The following PCNX2 variants were observed in gnomAD, a reference collection of about 807,000 sequenced individuals.
PCNX2 encodes pecanex 2.
A neutral mutation model predicts 223.8 loss-of-function variants in PCNX2; 168 were observed. That is an observed-to-expected ratio of 0.75 (90% CI 0.66 to 0.85). The LOEUF is 0.85. Among genes scored for constraint, PCNX2 ranks in the 40% least tolerant of loss-of-function variants. The pLI is 0.00. For synonymous variants in PCNX2, 1,006 were observed against 1,052.6 expected (o/e 0.96, Z 0.86); for missense variants, 2,507 against 2,675.5 (o/e 0.94, Z 1.39).
At chr1:233,117,439 G>A (rs1371044216) in intron 21 of PCNX2, among the ~76,000 whole-genome samples, 4 of 150,836 alleles carry the variant, frequency 2.7e-5, no homozygotes, top group Non-Finnish European at 5.9e-5. Context: ...AGACCATCCT[G>A]GCTAACACAG....
intron 21 of PCNX2, among the ~76,000 whole-genome samples, chr1:233,133,690 T>C (rs1462195202): frequency 1.3e-5 from 2 of 152,042 alleles, no homozygotes; most frequent in Admixed American, 6.6e-5. Context: ...ACCCTATCTT[T>C]ACAAAAAGTT....
intron 21 of PCNX2, among the ~76,000 whole-genome samples, chr1:233,123,406 C>T (rs954018623): frequency 1.3e-5 from 2 of 151,952 alleles, no homozygotes; most frequent in South Asian, 2.1e-4. Flanking sequence ...ATGGTGAAAC[C>T]CCATCTCTAC....
At chr1:233,140,517 T>G (rs1185744904) in intron 19 of PCNX2, among the ~76,000 whole-genome samples, 1 of 152,216 alleles carries the variant, frequency 6.6e-6, no homozygotes, top group African/African-American at 2.4e-5. Context: ...AATTATTAGC[T>G]TCATCTTTTC....
chr1:233,148,367 T>G (rs1207595955), intron 19 of PCNX2, among the ~76,000 whole-genome samples: 1 of 152,046 alleles, frequency 6.6e-6, no homozygotes, highest in African/African-American at 2.4e-5. Flanking sequence ...AGCCCAAACT[T>G]TTGACTTCAG....
chr1:233,171,732 A>G (rs565929121), intron 17 of PCNX2, among the ~76,000 whole-genome samples: 1 of 152,282 alleles, frequency 6.6e-6, no homozygotes, highest in African/African-American at 2.4e-5. Context: ...TCTTTCATCA[A>G]TTCTGGTAAA....
At position 233,001,129 on chromosome 1, in the gene PCNX2, G is replaced by T. The variant is rs1237737372; in HGVS notation, c.5097+408C>A. ...GATCACTGCAGCCTGAAACTCCCGG[G>T]CTCAAGCTATCCTCCCACCTTAACC... On this transcript the variant is annotated intron_variant, in intron 29 of 33. Coordinates refer to ENST00000258229, the MANE Select transcript of PCNX2 (RefSeq NM_014801.4). The surrounding 1 kb of genome is among the most constrained non-coding windows in gnomAD (Gnocchi z 4.2). 6.6e-6 allele frequency among the ~76,000 whole-genome samples: 1 copy of T among 152,042 alleles called. No individual in the cohort carries two copies. Among genetic ancestry groups the T allele is most frequent in the Non-Finnish European group, 1.5e-5 (1 of 68,018 alleles).
At chr1:233,202,319 C>T (rs895621382) in intron 13 of PCNX2, 5 of 365,130 alleles carry the variant, frequency 1.4e-5, no homozygotes, top group African/African-American at 1.1e-4. Context: ...TTCTTCCTAA[C>T]TTCTTATTTT....
chr1:233,217,816 G>A, intron 12 of PCNX2, 83 bp downstream of exon 12: 1 of 1,481,456 alleles, frequency 6.8e-7, no homozygotes, highest in Non-Finnish European at 9.3e-7. Flanking sequence ...TACAGACTTG[G>A]CCCTTTGACT....
chr1:233,243,672 A>T (rs1022221938), intron 8 of PCNX2, among the ~76,000 whole-genome samples: 2 of 152,206 alleles, frequency 1.3e-5, no homozygotes, highest in African/African-American at 4.8e-5. Flanking sequence ...ATAAAAATCA[A>T]GAAACAAAAG....
rs1670058324 is a variant in PCNX2 at position 233,000,884 on chromosome 1, G to T, written c.5098-349C>A. Among the ~76,000 whole-genome samples, 1 of 152,134 alleles carries T rather than the reference G, an allele frequency of 6.6e-6. No individual in the cohort carries two copies. The highest frequency in any genetic ancestry group is 2.1e-4 in the South Asian group (1 of 4,822). On this transcript the variant is annotated intron_variant, in intron 29 of 33. Transcript: ENST00000258229. This position sits in a 1 kb window ranked among gnomAD's most constrained non-coding sequence, Gnocchi z 4.6. The stretch of plus-strand genomic sequence containing the variant: ...ACCTCCTAGCCTAGCTGCTCTTGAG[G>T]GCAAATCACCATTGGCTAAAGTCAA...
intron 8 of PCNX2, among the ~76,000 whole-genome samples, chr1:233,248,044 T>C (rs186883072): frequency 2.6e-5 from 4 of 152,206 alleles, no homozygotes; most frequent in African/African-American, 7.2e-5. Context: ...ACCTTGCCCA[T>C]TGGAGCATTC....
chr1:233,273,800 T>A (rs1660776356), intron 1 of PCNX2, among the ~76,000 whole-genome samples: 1 of 152,130 alleles, frequency 6.6e-6, no homozygotes, highest in Non-Finnish European at 1.5e-5. Flanking sequence ...ATTTTTTGTA[T>A]TTTTAGTGGA....
chr1:233,217,909 G>A lies in PCNX2; in HGVS notation c.2681C>T (p.Ser894Leu), dbSNP rs755700507. The stretch of plus-strand genomic sequence containing the variant: ...TATTTGGAAACTTACGTGTATTGGT[G>A]AGGCGGGGTCAGGCTGAACACTCTA... ...LLKSVQPDPASPIHGHNQIIT... is the reference protein window; with the variant it reads ...LLKSVQPDPALPIHGHNQIIT... The change falls in exon 12 of 34, where the codon TCA becomes TTA. Residue 894 changes from serine to leucine, a missense_variant. By Grantham distance (145) the Ser-to-Leu change is moderately radical. Coordinates refer to ENST00000258229, the MANE Select transcript of PCNX2 (RefSeq NM_014801.4). 65 of 1,613,816 alleles carry A rather than the reference G, an allele frequency of 4.0e-5. No individual in the cohort carries two copies. Among genetic ancestry groups the A allele is most frequent in the Non-Finnish European group, 5.3e-5 (63 of 1,179,892 alleles).
intron 12 of PCNX2, among the ~76,000 whole-genome samples, chr1:233,215,656 G>A (rs1682079696): frequency 1.3e-5 from 2 of 152,212 alleles, no homozygotes; most frequent in African/African-American, 4.8e-5. Context: ...CCTCCCCAGA[G>A]TCATGCAGAA....
At chr1:233,093,592 T>A (rs959137950) in intron 22 of PCNX2, among the ~76,000 whole-genome samples, 1 of 152,134 alleles carries the variant, frequency 6.6e-6, no homozygotes, top group African/African-American at 2.4e-5. Flanking sequence ...CTGAACAGCA[T>A]GATGTTGGAC....
chr1:233,249,469 T>C (rs1293980951), intron 8 of PCNX2, among the ~76,000 whole-genome samples: 2 of 152,240 alleles, frequency 1.3e-5, no homozygotes, highest in Admixed American at 6.5e-5. Context: ...GTCTAGAATG[T>C]CCTGGAGGTT....
At chr1:233,031,869 T>C (rs1156783787) in intron 25 of PCNX2, 1 of 984,626 alleles carries the variant, frequency 1.0e-6, no homozygotes, top group Non-Finnish European at 1.2e-6. Flanking sequence ...GGTGAAGATG[T>C]ATAGAAATGC....
intron 8 of PCNX2, among the ~76,000 whole-genome samples, chr1:233,247,589 G>A (rs1198897191): frequency 6.6e-6 from 1 of 152,102 alleles, no homozygotes; most frequent in Non-Finnish European, 1.5e-5. Context: ...CTTCAAAAGT[G>A]CTGAGATTGC....
the PCNX2 span, among the ~76,000 whole-genome samples, chr1:233,320,130 T>A: frequency 2.0e-5 from 3 of 152,168 alleles, no homozygotes; most frequent in Non-Finnish European, 4.4e-5. Flanking sequence ...TTTTTTAACT[T>A]TTTGTTTGGA....
Sources: gnomAD v4.1 joint callset for allele counts (sites outside exome capture counted in the v4.1 genomes callset) on GRCh38, gnomAD v4.1.1 for gene constraint, Gnocchi (gnomAD v3.1) non-coding constraint, MANE v1.5 for transcripts, NCBI Gene and HGNC (gene_info 2026-07-23, HGNC 2026-07-21) for gene names.